Variants in HEMK2 observed in about 807,000 individuals in gnomAD.
HEMK2 encodes HemK methyltransferase 2, ETF1 glutamine and histone H4 lysine.
the HEMK2 span, among the ~76,000 whole-genome samples, chr21:28,684,993 A>C: frequency 6.6e-6 from 1 of 152,334 alleles, no homozygotes; most frequent in East Asian, 1.9e-4. Flanking sequence ...TTCTGCATGA[A>C]CCGAAGTCAA....
At chr21:28,622,172 C>T in the HEMK2 span, among the ~76,000 whole-genome samples, 53 of 152,098 alleles carry the variant, frequency 3.5e-4, no homozygotes, top group African/African-American at 1.2e-3. Flanking sequence ...ACAAGCATTC[C>T]TATACACCAA....
the HEMK2 span, among the ~76,000 whole-genome samples, chr21:28,846,338 G>A: frequency 6.6e-6 from 1 of 152,098 alleles, no homozygotes; most frequent in African/African-American, 2.4e-5. Flanking sequence ...TGGGTCAACT[G>A]GTGCTTCTGC....
chr21:28,741,494 C>A, the HEMK2 span, among the ~76,000 whole-genome samples: 1 of 152,018 alleles, frequency 6.6e-6, no homozygotes, highest in African/African-American at 2.4e-5. Context: ...ATTTCATCAC[C>A]CAGGTTATTA....
the HEMK2 span, among the ~76,000 whole-genome samples, chr21:28,773,020 T>C: frequency 6.6e-6 from 1 of 152,168 alleles, no homozygotes; most frequent in Non-Finnish European, 1.5e-5. Context: ...TTCAAGTTTG[T>C]TCTTTTGGTT....
chr21:28,859,018 T>C, the HEMK2 span, among the ~76,000 whole-genome samples: 2 of 152,328 alleles, frequency 1.3e-5, no homozygotes, highest in African/African-American at 4.8e-5. Context: ...CAGCCAGCTT[T>C]CAGTAAATTA....
the HEMK2 span, among the ~76,000 whole-genome samples, chr21:28,766,169 G>A: frequency 6.6e-6 from 1 of 152,022 alleles, no homozygotes; most frequent in South Asian, 2.1e-4. Context: ...TGGAGGACTG[G>A]GGGAGGGATA....
chr21:28,808,010 G>A, the HEMK2 span, among the ~76,000 whole-genome samples: 1 of 152,110 alleles, frequency 6.6e-6, no homozygotes, highest in Non-Finnish European at 1.5e-5. Context: ...TATAAAGAAT[G>A]TTTGAGAGAA....
chr21:28,628,746 G>A, the HEMK2 span, among the ~76,000 whole-genome samples: 4 of 152,172 alleles, frequency 2.6e-5, no homozygotes, highest in African/African-American at 4.8e-5. Flanking sequence ...GAGCCACCGC[G>A]CCCAGCCTGC....
the HEMK2 span, among the ~76,000 whole-genome samples, chr21:28,746,842 G>A: frequency 1.3e-5 from 2 of 152,188 alleles, no homozygotes; most frequent in Non-Finnish European, 1.5e-5. Flanking sequence ...GGAGGGCTGA[G>A]AGCCAAACAC....
At chr21:28,785,437 T>C in the HEMK2 span, among the ~76,000 whole-genome samples, 8 of 152,236 alleles carry the variant, frequency 5.3e-5, no homozygotes, top group Non-Finnish European at 1.2e-4. Flanking sequence ...CTGCTAGCAC[T>C]TACCCCATGA....
At chr21:28,866,726 C>T in the HEMK2 span, among the ~76,000 whole-genome samples, 2 of 151,958 alleles carry the variant, frequency 1.3e-5, no homozygotes, top group African/African-American at 2.4e-5. Context: ...AAACAAGATG[C>T]TGTCTCAAAA....
the HEMK2 span, among the ~76,000 whole-genome samples, chr21:28,726,048 A>G: frequency 6.6e-6 from 1 of 152,168 alleles, no homozygotes; most frequent in South Asian, 2.1e-4. Flanking sequence ...CCTTAAAGTC[A>G]TATTTCCATT....
At chr21:28,688,534 T>A in the HEMK2 span, among the ~76,000 whole-genome samples, 1 of 151,824 alleles carries the variant, frequency 6.6e-6, no homozygotes, top group Non-Finnish European at 1.5e-5. Context: ...AAGCAGGGAC[T>A]TTGCTTGGTT....
At chr21:28,885,033 C>T in the HEMK2 span, among the ~76,000 whole-genome samples, 1 of 152,162 alleles carries the variant, frequency 6.6e-6, no homozygotes, top group East Asian at 1.9e-4. Context: ...CCCCGGCACA[C>T]TCATTACTTG....
At chr21:28,816,275 C>T in the HEMK2 span, among the ~76,000 whole-genome samples, 27 of 152,004 alleles carry the variant, frequency 1.8e-4, no homozygotes, top group Non-Finnish European at 7.4e-5. Context: ...TATTAACTAC[C>T]AGGAAAAACA....
chr21:28,646,145 G>A, the HEMK2 span, among the ~76,000 whole-genome samples: 2 of 152,150 alleles, frequency 1.3e-5, no homozygotes, highest in Non-Finnish European at 2.9e-5. Flanking sequence ...GCACATGTTT[G>A]CAGAGGTTTG....
the HEMK2 span, among the ~76,000 whole-genome samples, chr21:28,861,431 C>G: frequency 6.6e-6 from 1 of 152,168 alleles, no homozygotes; most frequent in African/African-American, 2.4e-5. Flanking sequence ...ACTTCTAGGT[C>G]AAATGGACAA....
the HEMK2 span, among the ~76,000 whole-genome samples, chr21:28,642,039 T>G: frequency 6.6e-6 from 1 of 152,184 alleles, no homozygotes; most frequent in Non-Finnish European, 1.5e-5. Flanking sequence ...TGAATACATG[T>G]GAGACTCAAG....
chr21:28,784,039 C>G, the HEMK2 span, among the ~76,000 whole-genome samples: 1 of 152,172 alleles, frequency 6.6e-6, no homozygotes, highest in Non-Finnish European at 1.5e-5. Flanking sequence ...GAGCCTCCCC[C>G]CACGGCGGTG....
Sources: gnomAD v4.1 joint callset for allele counts (sites outside exome capture counted in the v4.1 genomes callset) on GRCh38, gnomAD v4.1.1 for gene constraint, MANE v1.5 for transcripts, NCBI Gene and HGNC (gene_info 2026-07-23, HGNC 2026-07-21) for gene names.